The following DIP2C variants were observed in gnomAD, a reference collection of about 807,000 sequenced individuals.
DIP2C encodes the protein DIP2 acetate--CoA ligase C (putative).
A neutral mutation model predicts 192.4 loss-of-function variants in DIP2C; 33 were observed. That is an observed-to-expected ratio of 0.17 (90% CI 0.13 to 0.23). The LOEUF (loss-of-function observed/expected upper bound fraction) is 0.23, where lower values mean the gene tolerates loss of function less well. DIP2C is among the 10% of genes least tolerant of loss of function. The pLI is 1.00. For missense variants in DIP2C, 1,537 were observed against 2,110.1 expected (o/e 0.73, Z 5.32); for synonymous variants, 979 against 864.1 (o/e 1.13, Z -2.33).
intron 1 of DIP2C, among the ~76,000 whole-genome samples, chr10:617,994 G>A (rs1432764245): frequency 7.9e-5 from 12 of 152,140 alleles, no homozygotes; most frequent in Admixed American, 6.5e-4. Flanking sequence ...TTGAGGTCAC[G>A]TCCACCTCAC....
intron 1 of DIP2C, among the ~76,000 whole-genome samples, chr10:532,257 A>G (rs1358392293): frequency 6.6e-6 from 1 of 152,088 alleles, no homozygotes; most frequent in Non-Finnish European, 1.5e-5. Context: ...CATGTCCCGG[A>G]AAGCCCTGCC....
At chr10:303,040 A>T (rs1040857094) in intron 32 of DIP2C, among the ~76,000 whole-genome samples, 2 of 152,226 alleles carry the variant, frequency 1.3e-5, no homozygotes, top group African/African-American at 4.8e-5. Flanking sequence ...GAGCTAAGAC[A>T]ACACTGCACG....
chr10:303,823 G>A lies in DIP2C; in HGVS notation c.3986+6208C>T, dbSNP rs7477384. On this transcript the variant is annotated intron_variant, in intron 32 of 36. Coordinates refer to ENST00000280886, the MANE Select transcript of DIP2C (RefSeq NM_014974.3). ...TAGGCATGAGCCGCCGCGCCTGGCCGAAAGTTTTTTACTTTTTAAACTTTT... is the reference window on the plus strand; with the variant it reads ...TAGGCATGAGCCGCCGCGCCTGGCCAAAAGTTTTTTACTTTTTAAACTTTT... Among the ~76,000 whole-genome samples the A allele has an allele frequency of 2.2e-4, 33 of 152,206 alleles. No individual in the cohort carries two copies. The South Asian group carries it at 5.6e-3, about 26-fold the overall frequency.
chr10:596,698 A>G (rs1480553032), intron 1 of DIP2C, among the ~76,000 whole-genome samples: 2 of 152,086 alleles, frequency 1.3e-5, no homozygotes, highest in Admixed American at 6.5e-5. Context: ...TGGAATCGGC[A>G]TAGGGAACAG....
chr10:399,582 G>T (rs1050118727), intron 9 of DIP2C, among the ~76,000 whole-genome samples: 2 of 152,232 alleles, frequency 1.3e-5, no homozygotes, highest in Admixed American at 6.5e-5. Flanking sequence ...TCCTGGGACA[G>T]CATGTGCAGG....
In DIP2C at chr10:426,953, C is replaced by T. The variant is rs1221360701; in HGVS notation, c.395-3920G>A. Reference sequence around the variant, plus strand: ...AAAGAACAGTAAGACTATGAGACTTCTAAAACTTCCAAAAAATCCATAAAA... The same window carrying T: ...AAAGAACAGTAAGACTATGAGACTTTTAAAACTTCCAAAAAATCCATAAAA... On this transcript the variant is annotated intron_variant, in intron 4 of 36. Coordinates refer to ENST00000280886, the MANE Select transcript of DIP2C (RefSeq NM_014974.3). Among the ~76,000 whole-genome samples the T allele has an allele frequency of 5.9e-5, 9 of 152,128 alleles. No individual in the cohort carries two copies. In the East Asian group the frequency reaches 1.7e-3, roughly 29 times the overall value.
chr10:458,305 C>T (rs1004194088), intron 3 of DIP2C, among the ~76,000 whole-genome samples: 2 of 152,234 alleles, frequency 1.3e-5, no homozygotes, highest in African/African-American at 2.4e-5. Context: ...GAACACAGGT[C>T]ACAGGACAGG....
intron 1 of DIP2C, among the ~76,000 whole-genome samples, chr10:594,598 G>A (rs1851595925): frequency 6.6e-6 from 1 of 152,172 alleles, no homozygotes; most frequent in South Asian, 2.1e-4. Context: ...GAACGTGGCT[G>A]AGTATAAACC....
In DIP2C at chr10:386,735, C is replaced by A. The variant is rs923521543; in HGVS notation, c.1662+1010G>T. Among the ~76,000 whole-genome samples the A allele has an allele frequency of 3.3e-5, 5 of 152,202 alleles. No individual in the cohort carries two copies. In the South Asian group the frequency reaches 1.0e-3, roughly 32 times the overall value. On this transcript the variant is annotated intron_variant, in intron 14 of 36. Transcript: ENST00000280886. ...ATACAGGAATTCCTGTATTCATATG[C>A]CCATCACTCATGTGACAACTCCTAG...
chr10:430,308 C>T (rs567070295), intron 4 of DIP2C: 1 of 152,312 alleles, frequency 6.6e-6, no homozygotes, highest in African/African-American at 2.4e-5. Context: ...TACTGATCAG[C>T]TTAGGAATTC....
chr10:578,873 A>G (rs1032839589), intron 1 of DIP2C, among the ~76,000 whole-genome samples: 3 of 151,966 alleles, frequency 2.0e-5, no homozygotes, highest in Non-Finnish European at 4.4e-5. Context: ...ACTAACACAC[A>G]TGTACGTGCA....
chr10:389,234 G>C (rs1410087156), intron 13 of DIP2C, among the ~76,000 whole-genome samples: 1 of 152,112 alleles, frequency 6.6e-6, no homozygotes, highest in Non-Finnish European at 1.5e-5. Flanking sequence ...AAGGGCCTCA[G>C]GGTACATCAC....
At chr10:442,440 G>A (rs1215628481) in intron 3 of DIP2C, among the ~76,000 whole-genome samples, 1 of 152,072 alleles carries the variant, frequency 6.6e-6, no homozygotes, top group Non-Finnish European at 1.5e-5. Context: ...TGACTGACTT[G>A]GGCTCATGGC....
At chr10:513,166 T>G (rs1014678661) in intron 1 of DIP2C, among the ~76,000 whole-genome samples, 11 of 125,734 alleles carry the variant, frequency 8.7e-5, no homozygotes, top group African/African-American at 2.8e-4. Context: ...ATACTGGCAG[T>G]TTTCCCTTCA....
At chr10:418,304 G>A (rs560789856) in intron 6 of DIP2C, among the ~76,000 whole-genome samples, 24 of 150,808 alleles carry the variant, frequency 1.6e-4, no homozygotes, top group Non-Finnish European at 2.4e-4. Context: ...GTCGGAGCTC[G>A]GATAGGCCTC....
rs191934078 is a variant in DIP2C at position 522,284 on chromosome 10, A to T, written c.86-35754T>A. On this transcript the variant is annotated intron_variant, in intron 1 of 36. Coordinates refer to ENST00000280886, the MANE Select transcript of DIP2C (RefSeq NM_014974.3). ...GTCCAGTTCTTTTTAGTGTTGAATA[A>T]TATCCCAGTTTCTGATGTACCACAG... Among the ~76,000 whole-genome samples the T allele has an allele frequency of 2.0e-3, 299 of 152,316 alleles. 1 individual carries two copies. Among genetic ancestry groups the T allele is most frequent in the Middle Eastern group, 0.01 (3 of 294 alleles).
chr10:312,470 G>T (rs1471315719), intron 31 of DIP2C, among the ~76,000 whole-genome samples: 1 of 152,136 alleles, frequency 6.6e-6, no homozygotes, highest in African/African-American at 2.4e-5. Context: ...CCCCATGACG[G>T]CAACAGGCAG....
At position 349,521 on chromosome 10, in the gene DIP2C, A is replaced by C; in HGVS notation, c.2986-67T>G. 7 of 1,558,444 alleles carry C rather than the reference A, an allele frequency of 4.5e-6. No homozygotes were observed. The South Asian group carries it at 6.9e-5, about 15-fold the overall frequency. ...GCAGAGCAGCTTGCAGAGAGCGCGCACGCGTCATACAACTCACTGGCGCAA... is the reference window on the plus strand; with the variant it reads ...GCAGAGCAGCTTGCAGAGAGCGCGCCCGCGTCATACAACTCACTGGCGCAA... On this transcript the variant is annotated intron_variant, in intron 24 of 36. Coordinates refer to ENST00000280886, the MANE Select transcript of DIP2C (RefSeq NM_014974.3).
intron 1 of DIP2C, among the ~76,000 whole-genome samples, chr10:529,804 G>A (rs759967617): frequency 6.6e-6 from 1 of 151,552 alleles, no homozygotes; most frequent in Admixed American, 6.6e-5. Flanking sequence ...TTTTTAGGTG[G>A]AGTCTCACTC....
Sources: gnomAD v4.1 joint callset for allele counts (sites outside exome capture counted in the v4.1 genomes callset) on GRCh38, gnomAD v4.1.1 for gene constraint, MANE v1.5 for transcripts, NCBI Gene and HGNC (gene_info 2026-07-23, HGNC 2026-07-21) for gene names.